EEF2K: variants seen among roughly 807,000 people sequenced by gnomAD.
The protein encoded by EEF2K is eukaryotic elongation factor 2 kinase.
A neutral mutation model predicts 93.8 loss-of-function variants in EEF2K; 70 were observed. The observed-to-expected ratio is 0.75, with a 90% CI of 0.62 to 0.91. The LOEUF (loss-of-function observed/expected upper bound fraction) is 0.91. Ranked by LOEUF, EEF2K falls within the 40% of genes least tolerant of loss-of-function variation. The pLI, the probability that EEF2K is intolerant of heterozygous loss-of-function variation, is 0.00. For missense variants in EEF2K, 935 were observed against 972.9 expected (o/e 0.96, Z 0.52); for synonymous variants, 376 against 380.8 (o/e 0.99, Z 0.15).
Position 22,225,978 on chromosome 16 carries a change from G to T in EEF2K, c.246+3G>T. On this transcript the variant is annotated splice_donor_region_variant and intron_variant, in intron 2 of 17. Transcript: ENST00000263026. ...CGGCAAACTCCTTCCACTTCAAGGT[G>T]AGTGAGCCACCTATTCCACCTTCCC... 6.2e-7 allele frequency: 1 copy of T among 1,613,468 alleles called. No homozygotes were observed. Among genetic ancestry groups the T allele is most frequent in the Non-Finnish European group, 8.5e-7 (1 of 1,179,488 alleles).
intron 10 of EEF2K, among the ~76,000 whole-genome samples, chr16:22,259,655 A>G (rs926794429): frequency 5.9e-5 from 9 of 152,104 alleles, no homozygotes; most frequent in Non-Finnish European, 1.2e-4. Context: ...AAATGTAAAC[A>G]CTGTTCTTAC....
intron 17 of EEF2K, among the ~76,000 whole-genome samples, chr16:22,282,384 G>A (rs183212261): frequency 1.2e-4 from 18 of 152,162 alleles, no homozygotes; most frequent in Admixed American, 9.2e-4. Context: ...CTTCCTAAAC[G>A]GGAATGAGCT....
intron 15 of EEF2K, among the ~76,000 whole-genome samples, chr16:22,271,151 G>A (rs1392038946): frequency 1.3e-5 from 2 of 151,474 alleles, no homozygotes; most frequent in East Asian, 3.9e-4. Flanking sequence ...TGTATTTTTA[G>A]TAGAGAAGGG....
chr16:22,287,522 T>G lies in EEF2K; in HGVS notation c.*3526T>G, dbSNP rs888596604. The G allele has an allele frequency of 3.3e-5, 5 of 152,208 alleles. No homozygotes were observed. Among genetic ancestry groups the G allele is most frequent in the African/African-American group, 9.7e-5 (4 of 41,446 alleles). 9.4% of individuals were successfully genotyped at this position (152,208 alleles called of 1,614,324 possible). A position where few individuals can be genotyped will look rare whatever the true frequency, so the allele number is the denominator to read the frequency against. ...CCGAGGTTCTGCCAGCTAGATTTTT[T>G]TTCACAGTGTCACTGCTAGCAAGCC... On this transcript the variant is annotated 3_prime_UTR_variant, in exon 18 of 18. Coordinates refer to ENST00000263026, the MANE Select transcript of EEF2K (RefSeq NM_013302.5).
intron 1 of EEF2K, among the ~76,000 whole-genome samples, chr16:22,209,231 T>C (rs1449368361): frequency 6.6e-6 from 1 of 152,084 alleles, no homozygotes; most frequent in African/African-American, 2.4e-5. Flanking sequence ...GGGATTTCAC[T>C]GTGTTGGCCA....
chr16:22,277,741 A>T (rs1412597765), intron 16 of EEF2K, among the ~76,000 whole-genome samples: 1 of 152,222 alleles, frequency 6.6e-6, no homozygotes, highest in Non-Finnish European at 1.5e-5. Context: ...TGGAGGGATG[A>T]TGAGTGTCTT....
chr16:22,238,293 C>T (rs781455483), intron 2 of EEF2K, among the ~76,000 whole-genome samples: 1 of 152,052 alleles, frequency 6.6e-6, no homozygotes, highest in Non-Finnish European at 1.5e-5. Context: ...TCCCCCACTC[C>T]CTGCCCGGGG....
At position 22,227,972 on chromosome 16, in the gene EEF2K, T is replaced by A. The variant is rs750919956; in HGVS notation, c.246+1997T>A. On this transcript the variant is annotated intron_variant, in intron 2 of 17. Transcript: ENST00000263026. ...AAAGAAAAAATGCTTACAGCCATCCTATGTAGTTACAGCTATGAAGGATAA... is the reference window on the plus strand; with the variant it reads ...AAAGAAAAAATGCTTACAGCCATCCAATGTAGTTACAGCTATGAAGGATAA... 8.6e-4 allele frequency among the ~76,000 whole-genome samples: 129 copies of A among 150,448 alleles called. 1 individual carries two copies. Among genetic ancestry groups the A allele is most frequent in the Non-Finnish European group, 9.9e-4 (67 of 67,646 alleles).
intron 15 of EEF2K, among the ~76,000 whole-genome samples, chr16:22,270,641 T>G (rs1322286326): frequency 6.6e-6 from 1 of 152,158 alleles, no homozygotes; most frequent in Non-Finnish European, 1.5e-5. Flanking sequence ...GGGTTGGCTG[T>G]ATTCTTTTGA....
chr16:22,277,471 G>A (rs1331036472), intron 16 of EEF2K, among the ~76,000 whole-genome samples: 1 of 152,092 alleles, frequency 6.6e-6, no homozygotes, highest in Non-Finnish European at 1.5e-5. Flanking sequence ...ATTATTTCCT[G>A]AGCACCATCC....
chr16:22,288,403 A>G lies in EEF2K; in HGVS notation c.*4407A>G, dbSNP rs2141695601. The G allele has an allele frequency of 6.6e-6, 1 of 152,392 alleles. No individual in the cohort carries two copies. Among genetic ancestry groups the G allele is most frequent in the South Asian group, 2.1e-4 (1 of 4,832 alleles). 9.4% of individuals were successfully genotyped at this position (152,392 alleles called of 1,614,324 possible). A position where few individuals can be genotyped will look rare whatever the true frequency, so the allele number is the denominator to read the frequency against. ...GTGATCCTCCCACCTCAGCCTCCCA[A>G]AGCATTGGGGTTACAGGCGTGAGCC... On this transcript the variant is annotated 3_prime_UTR_variant, in exon 18 of 18. Transcript: ENST00000263026.
chr16:22,266,351 C>G (rs1038979715), intron 13 of EEF2K, 39 bp from the exon 14 acceptor site: 2 of 1,592,024 alleles, frequency 1.3e-6, no homozygotes, highest in African/African-American at 2.7e-5. Context: ...TGCGTCCACC[C>G]CCAGCCCCTC....
intron 12 of EEF2K, 149 bp from the exon 13 acceptor site, chr16:22,264,669 A>T: frequency 1.5e-6 from 1 of 681,010 alleles, no homozygotes; most frequent in Non-Finnish European, 2.4e-6. Context: ...TTCCAGTGTC[A>T]CCTGGGAACA....
chr16:22,244,250 T>A (rs1012926868), intron 2 of EEF2K, among the ~76,000 whole-genome samples: 9 of 148,610 alleles, frequency 6.1e-5, no homozygotes, highest in Non-Finnish European at 8.9e-5. Flanking sequence ...ATACGTTATA[T>A]TCTGTTTCTA....
intron 9 of EEF2K, 38 bp from the exon 10 acceptor site, chr16:22,258,456 T>C: frequency 6.2e-7 from 1 of 1,602,612 alleles, no homozygotes; most frequent in East Asian, 2.2e-5. Flanking sequence ...TCCCAGAGGG[T>C]GTGTGCGTGA....
rs1012714077 is a variant in EEF2K at position 22,286,471 on chromosome 16, CT to C, written c.*2481del. 8 of 152,146 alleles carry C rather than the reference CT, an allele frequency of 5.3e-5. No homozygotes were observed. The highest frequency in any genetic ancestry group is 1.0e-4 in the Non-Finnish European group (7 of 68,040). 9.4% of individuals were successfully genotyped at this position (152,146 alleles called of 1,614,324 possible). A position where few individuals can be genotyped will look rare whatever the true frequency, so the allele number is the denominator to read the frequency against. On this transcript the variant is annotated 3_prime_UTR_variant, in exon 18 of 18. Transcript: ENST00000263026. ...CTCTTCTCTAGCAGGAATTGGCAAACTTTTTTGTAAAGGGGTAGAAAGTGAA... is the reference window on the plus strand; with the variant it reads ...CTCTTCTCTAGCAGGAATTGGCAAACTTTTTGTAAAGGGGTAGAAAGTGAA...
intron 17 of EEF2K, among the ~76,000 whole-genome samples, chr16:22,281,473 C>G (rs1313524494): frequency 2.0e-5 from 3 of 152,200 alleles, no homozygotes; most frequent in African/African-American, 7.2e-5. Context: ...AACTCCTAGC[C>G]TCAAGCAATC....
At chr16:22,220,247 T>A (rs2046997654) in intron 1 of EEF2K, among the ~76,000 whole-genome samples, 1 of 152,230 alleles carries the variant, frequency 6.6e-6, no homozygotes, top group Admixed American at 6.5e-5. Flanking sequence ...GCCTGCTGTG[T>A]ACAAGGCGCT....
intron 1 of EEF2K, among the ~76,000 whole-genome samples, chr16:22,216,959 T>G (rs552384474): frequency 1.1e-4 from 17 of 151,778 alleles, no homozygotes; most frequent in African/African-American, 3.6e-4. Flanking sequence ...TCCAGGAGTT[T>G]GAGACCAGCT....
Sources: allele counts gnomAD v4.1 joint callset (sites outside exome capture counted in the v4.1 genomes callset), GRCh38; gene constraint gnomAD v4.1.1; transcripts MANE v1.5; gene names NCBI Gene and HGNC (gene_info 2026-07-23, HGNC 2026-07-21).